STAU1: variants seen among roughly 807,000 people sequenced by gnomAD.
STAU1 encodes the protein double-stranded RNA-binding protein Staufen homolog 1.
STAU1 carries 13 observed loss-of-function variants against 62.9 expected under a neutral mutation model. The ratio of observed to expected loss-of-function variants is 0.21; its 90% CI spans 0.13 to 0.33. The LOEUF is 0.33. Ranked by LOEUF, STAU1 falls within the 10% of genes least tolerant of loss-of-function variation. STAU1 has a pLI of 1.00. For synonymous variants in STAU1, 269 were observed against 265.1 expected (o/e 1.01, Z -0.14); for missense variants, 571 against 712.1 (o/e 0.80, Z 2.25).
At chr20:49,127,706 A>T (rs1414748719) in intron 6 of STAU1, among the ~76,000 whole-genome samples, 1 of 151,788 alleles carries the variant, frequency 6.6e-6, no homozygotes, top group Non-Finnish European at 1.5e-5. Flanking sequence ...ACTTTGTCTA[A>T]AAAACAAAAA....
chr20:49,153,925 A>G lies in STAU1; in HGVS notation c.344+8T>C. 6.6e-7 allele frequency: 1 copy of G among 1,511,234 alleles called. No individual in the cohort carries two copies. The highest frequency in any genetic ancestry group is 1.3e-5 in the South Asian group (1 of 79,130). The allele number at this position is 1,511,234 out of a possible 1,614,324, so 93.6% of individuals were successfully genotyped here. On this transcript the variant is annotated splice_region_variant and intron_variant, in intron 4 of 13. Transcript: ENST00000371856. ...ATTTTACAAAAAAAAAAAAAAAAAA[A>G]CACATACCTCGGGGGATAAGCACCT...
At chr20:49,187,891 G>C (rs2093810468) in intron 1 of STAU1, among the ~76,000 whole-genome samples, 1 of 151,932 alleles carries the variant, frequency 6.6e-6, no homozygotes, top group African/African-American at 2.4e-5. Flanking sequence ...GTGAGGGCTG[G>C]AGGGGATGGG....
the STAU1 span, among the ~76,000 whole-genome samples, chr20:49,212,326 C>A: frequency 5.9e-5 from 9 of 152,142 alleles, no homozygotes; most frequent in South Asian, 8.3e-4. Context: ...ACTTGTATAT[C>A]TTCTTTGGAG....
Position 49,169,817 on chromosome 20 carries a change from C to CTCATCTTA in STAU1, c.-84-3540_-84-3533dup, listed in dbSNP as rs2146435325. ...TTAGACACCAGATCAACAAAACATA[C>CTCATCTTA]TCATCTTAGGCTCAAGCCCTAATTT... is the stretch of plus-strand genomic sequence containing the variant. On this transcript the variant is annotated intron_variant, in intron 2 of 13. Transcript: ENST00000371856. 3.9e-5 allele frequency among the ~76,000 whole-genome samples: 6 copies of CTCATCTTA among 152,292 alleles called. 1 individual carries two copies. The highest frequency in any genetic ancestry group is 1.4e-4 in the African/African-American group (6 of 41,580).
At chr20:49,115,230 C>T (rs11697370) in intron 13 of STAU1, among the ~76,000 whole-genome samples, 56,625 of 151,502 alleles carry the variant, frequency 0.37, 10,629 homozygotes, top group Middle Eastern at 0.51. Flanking sequence ...GGGGGCTGTC[C>T]GAGGGGAAGA....
intron 6 of STAU1, among the ~76,000 whole-genome samples, chr20:49,127,136 C>T (rs1355383582): frequency 2.0e-5 from 3 of 151,720 alleles, no homozygotes; most frequent in African/African-American, 2.4e-5. Context: ...GGGCAGATCA[C>T]GAGGTCAGGA....
At chr20:49,145,337 T>C (rs776390557) in intron 5 of STAU1, among the ~76,000 whole-genome samples, 14 of 142,232 alleles carry the variant, frequency 9.8e-5, no homozygotes, top group Admixed American at 7.8e-4. Flanking sequence ...GGCAGAAGAA[T>C]TGCTTGAAGC....
At chr20:49,201,637 G>A in the STAU1 span, among the ~76,000 whole-genome samples, 1 of 151,648 alleles carries the variant, frequency 6.6e-6, no homozygotes, top group Non-Finnish European at 1.5e-5. Context: ...AGCTATTCAG[G>A]AGGCTGACGC....
intron 2 of STAU1, among the ~76,000 whole-genome samples, chr20:49,172,420 AC>A (rs2093608842): frequency 6.6e-6 from 1 of 152,236 alleles, no homozygotes; most frequent in African/African-American, 2.4e-5. Context: ...CTAAACTTAT[AC>A]AAACATAGAA....
chr20:49,218,995 C>T, the STAU1 span, among the ~76,000 whole-genome samples: 1 of 115,216 alleles, frequency 8.7e-6, no homozygotes, highest in African/African-American at 3.6e-5. Context: ...GCCTGGGCGA[C>T]AGAGCCAAAC....
chr20:49,119,828 C>T (rs1327777152), intron 9 of STAU1, among the ~76,000 whole-genome samples, 154 bp downstream of exon 9: 6 of 152,196 alleles, frequency 3.9e-5, no homozygotes, highest in Non-Finnish European at 8.8e-5. Flanking sequence ...CCTCTGAGCA[C>T]ATTATGGTCC....
At chr20:49,150,701 T>C (rs2093230542) in intron 5 of STAU1, among the ~76,000 whole-genome samples, 1 of 152,034 alleles carries the variant, frequency 6.6e-6, no homozygotes, top group Non-Finnish European at 1.5e-5. Flanking sequence ...TATATCTCCT[T>C]CCTTTGAATC....
intron 6 of STAU1, among the ~76,000 whole-genome samples, chr20:49,133,599 T>C (rs922579886): frequency 1.3e-5 from 2 of 151,978 alleles, no homozygotes; most frequent in African/African-American, 4.8e-5. Flanking sequence ...CCTGTCTCAT[T>C]CCCTCCCCAA....
In STAU1 at chr20:49,166,192, C is replaced by A. The variant is rs756447350; in HGVS notation, c.10G>T (p.Val4Phe). The change falls in exon 3 of 14, where the codon GTT (valine) becomes TTT (phenylalanine). Residue 4 changes from valine to phenylalanine, a missense_variant. Physicochemically the swap from Val to Phe is conservative, Grantham distance 50. Around this residue, in one of 3 missense-constraint regions of STAU1, gnomAD observed 414 missense variants for 499.6 expected, o/e 0.83. Transcript: ENST00000371856. ...GATGGGTTCTGAACTTGCACTTGAA[C>A]TTGAGACATGGTCACTTTCAACAAA... Reference protein sequence around the residue: MSQVQVQVQNPSAA... With the variant: MSQFQVQVQNPSAA... 2 of 1,614,146 alleles carry A rather than the reference C, an allele frequency of 1.2e-6. No homozygotes were observed. Among genetic ancestry groups the A allele is most frequent in the Non-Finnish European group, 1.7e-6 (2 of 1,180,016 alleles).
intron 2 of STAU1, among the ~76,000 whole-genome samples, chr20:49,168,131 A>G (rs1456907062): frequency 6.7e-6 from 1 of 149,416 alleles, no homozygotes; most frequent in Non-Finnish European, 1.5e-5. Context: ...CCCAGGCTGG[A>G]GTGCAGTGTT....
chr20:49,151,456 G>T, intron 5 of STAU1, 126 bp downstream of exon 5: 1 of 956,738 alleles, frequency 1.0e-6, no homozygotes, highest in Non-Finnish European at 1.5e-6. Context: ...AAATCTTGGA[G>T]GCATTCAAAT....
intron 12 of STAU1, among the ~76,000 whole-genome samples, chr20:49,116,269 G>C (rs757010723): frequency 2.0e-5 from 3 of 152,068 alleles, no homozygotes; most frequent in Non-Finnish European, 4.4e-5. Context: ...CAAAGTGCTG[G>C]AATTACAGGT....
At chr20:49,172,935 T>G (rs901239223) in intron 2 of STAU1, among the ~76,000 whole-genome samples, 27 of 151,360 alleles carry the variant, frequency 1.8e-4, no homozygotes, top group Non-Finnish European at 3.7e-4. Context: ...TAGAGTGCAG[T>G]GAAACAATCT....
Position 49,117,399 on chromosome 20 carries a change from C to G in STAU1, c.1510-151G>C. ...CATACTAACACCTGCCCTGTCAGCCCAGAACCTTCCAGGAACCTAGGTGTC... is the reference window on the plus strand; with the variant it reads ...CATACTAACACCTGCCCTGTCAGCCGAGAACCTTCCAGGAACCTAGGTGTC... On this transcript the variant is annotated intron_variant, in intron 11 of 13. Coordinates refer to ENST00000371856, the MANE Select transcript of STAU1 (RefSeq NM_017453.4). This position sits in a 1 kb window ranked among gnomAD's most constrained non-coding sequence, Gnocchi z 4.6. 1.1e-6 allele frequency: 1 copy of G among 921,688 alleles called. No individual in the cohort carries two copies. Among genetic ancestry groups the G allele is most frequent in the South Asian group, 1.7e-5 (1 of 60,432 alleles). The allele number at this position is 921,688 out of a possible 1,614,324, so 57.1% of individuals were successfully genotyped here.
Sources: gnomAD v4.1 joint callset for allele counts (sites outside exome capture counted in the v4.1 genomes callset) on GRCh38, gnomAD v4.1.1 for gene constraint, gnomAD v4.1.1 regional missense constraint, Gnocchi (gnomAD v3.1) non-coding constraint, MANE v1.5 for transcripts, NCBI Gene and HGNC (gene_info 2026-07-23, HGNC 2026-07-21) for gene names.